CDH12: variants seen among roughly 807,000 people sequenced by gnomAD.
CDH12 encodes cadherin-12.
In CDH12, 41 loss-of-function variants were observed where a neutral mutation model predicts 74.1. The observed-to-expected ratio is 0.55, with a 90% CI of 0.43 to 0.72. The LOEUF is 0.72. Ranked by LOEUF, CDH12 falls within the 30% of genes least tolerant of loss-of-function variation. CDH12 has a pLI of 0.00. For synonymous variants in CDH12, 399 were observed against 355.0 expected (o/e 1.12, Z -1.39); for missense variants, 945 against 977.2 (o/e 0.97, Z 0.44).
intron 1 of CDH12, among the ~76,000 whole-genome samples, chr5:22,805,652 G>T (rs1470223904): frequency 6.6e-6 from 1 of 151,834 alleles, no homozygotes; most frequent in Non-Finnish European, 1.5e-5. Flanking sequence ...TTTTACAAAA[G>T]CTTTTTCTTT....
intron 1 of CDH12, among the ~76,000 whole-genome samples, chr5:22,762,253 C>T (rs894761568): frequency 6.6e-6 from 1 of 151,888 alleles, no homozygotes; most frequent in African/African-American, 2.4e-5. Context: ...TTTTTAAATG[C>T]ATGAGTCCCA....
At chr5:21,897,139 G>A (rs183402059) in intron 6 of CDH12, among the ~76,000 whole-genome samples, 1 of 152,134 alleles carries the variant, frequency 6.6e-6, no homozygotes, top group African/African-American at 2.4e-5. Flanking sequence ...GGGAAAAAAA[G>A]GTTATATAAA....
At chr5:22,287,556 C>A (rs967549456) in intron 3 of CDH12, among the ~76,000 whole-genome samples, 1 of 151,568 alleles carries the variant, frequency 6.6e-6, no homozygotes, top group African/African-American at 2.4e-5. Context: ...AACCCCGTCT[C>A]TACTAAAAAT....
At chr5:22,826,855 A>C (rs1736354167) in intron 1 of CDH12, among the ~76,000 whole-genome samples, 1 of 152,204 alleles carries the variant, frequency 6.6e-6, no homozygotes, top group South Asian at 2.1e-4. Flanking sequence ...TTTATAAGGA[A>C]AGCAGAGCAT....
intron 1 of CDH12, among the ~76,000 whole-genome samples, chr5:22,693,797 G>A (rs1264832668): frequency 6.6e-6 from 1 of 151,952 alleles, no homozygotes; most frequent in African/African-American, 2.4e-5. Context: ...ATATACAAAT[G>A]AGGAGTATTT....
At chr5:22,443,669 T>G (rs531629189) in intron 2 of CDH12, among the ~76,000 whole-genome samples, 1 of 152,234 alleles carries the variant, frequency 6.6e-6, no homozygotes, top group South Asian at 2.1e-4. Context: ...TTCATCCCAC[T>G]TAGGTTGTAT....
intron 3 of CDH12, among the ~76,000 whole-genome samples, chr5:22,387,438 T>TAA (rs1349780354): frequency 4.6e-5 from 7 of 152,154 alleles, no homozygotes; most frequent in African/African-American, 1.7e-4. Context: ...ACTCCTGGTG[T>TAA]CTTTTAGACC....
chr5:22,427,836 C>T (rs1744004675), intron 2 of CDH12, among the ~76,000 whole-genome samples: 2 of 152,152 alleles, frequency 1.3e-5, no homozygotes, highest in Non-Finnish European at 2.9e-5. Flanking sequence ...GTATAGGACA[C>T]ATCTGCTTTC....
intron 6 of CDH12, among the ~76,000 whole-genome samples, chr5:21,891,150 G>T (rs1752880405): frequency 6.6e-6 from 1 of 151,980 alleles, no homozygotes; most frequent in Admixed American, 6.6e-5. Flanking sequence ...TTATAGTTCT[G>T]TATTAAACTT....
Position 21,895,834 on chromosome 5 carries a change from T to C in CDH12, c.527-41044A>G, listed in dbSNP as rs752523269. 5.3e-4 allele frequency among the ~76,000 whole-genome samples: 80 copies of C among 152,216 alleles called. 1 individual carries two copies. Among genetic ancestry groups the C allele is most frequent in the Non-Finnish European group, 1.0e-3 (69 of 68,008 alleles). On this transcript the variant is annotated intron_variant, in intron 6 of 14. Transcript: ENST00000382254. Reference sequence around the variant, plus strand: ...AAATAACTGTGCATGAGGGTACAGATAGGAAGATCCCCCAGGCCTGGAAGC... The same window carrying C: ...AAATAACTGTGCATGAGGGTACAGACAGGAAGATCCCCCAGGCCTGGAAGC...
intron 5 of CDH12, among the ~76,000 whole-genome samples, chr5:22,034,951 T>C (rs989920037): frequency 1.3e-5 from 2 of 152,200 alleles, no homozygotes; most frequent in African/African-American, 2.4e-5. Flanking sequence ...TCTACAACTT[T>C]AGGCAAAATG....
chr5:22,091,210 T>TA (rs1743408106), intron 4 of CDH12, among the ~76,000 whole-genome samples: 1 of 149,002 alleles, frequency 6.7e-6, no homozygotes, highest in African/African-American at 2.5e-5. Flanking sequence ...TATATATATA[T>TA]ATATATATAT....
At chr5:22,727,729 A>G (rs1744231837) in intron 1 of CDH12, among the ~76,000 whole-genome samples, 1 of 150,832 alleles carries the variant, frequency 6.6e-6, no homozygotes, top group African/African-American at 2.4e-5. Context: ...TTCTAGGTTG[A>G]CTTTTTTTTT....
intron 1 of CDH12, among the ~76,000 whole-genome samples, chr5:22,735,727 G>T (rs1241151042): frequency 6.6e-6 from 1 of 151,820 alleles, no homozygotes; most frequent in Non-Finnish European, 1.5e-5. Flanking sequence ...AAAGTTAAGT[G>T]ATTTTAACAC....
At chr5:22,265,739 AAT>A (rs1753680582) in intron 3 of CDH12, among the ~76,000 whole-genome samples, 1 of 152,166 alleles carries the variant, frequency 6.6e-6, no homozygotes, top group African/African-American at 2.4e-5. Context: ...TCCTCTGAGC[AAT>A]ATCCTCCACT....
intron 1 of CDH12, among the ~76,000 whole-genome samples, chr5:22,591,194 T>C (rs1342739361): frequency 4.1e-4 from 63 of 152,190 alleles, no homozygotes; most frequent in Admixed American, 4.1e-3. Flanking sequence ...ACCAAAGTAA[T>C]ATAAAATCAA....
intron 10 of CDH12, 88 bp downstream of exon 10, chr5:21,802,078 GT>G: frequency 8.8e-7 from 1 of 1,137,512 alleles, no homozygotes; most frequent in Non-Finnish European, 1.3e-6. Context: ...TCATCATGCA[GT>G]TTTGGACAGA....
At chr5:22,190,358 GTCTATCTATCTA>G (rs79679304) in intron 4 of CDH12, among the ~76,000 whole-genome samples, 7,604 of 119,822 alleles carry the variant, frequency 0.063, 391 homozygotes, top group African/African-American at 0.17. Flanking sequence ...CTGTCTGTCT[GTCTATCTATCTA>G]TCTATCTATC....
intron 2 of CDH12, among the ~76,000 whole-genome samples, chr5:22,498,279 A>T (rs2126651357): frequency 6.6e-6 from 1 of 152,086 alleles, no homozygotes; most frequent in African/African-American, 2.4e-5. Context: ...ATTTATACAT[A>T]ATTTAAATAT....
Sources: allele counts gnomAD v4.1 joint callset (sites outside exome capture counted in the v4.1 genomes callset), GRCh38; gene constraint gnomAD v4.1.1; transcripts MANE v1.5; gene names NCBI Gene and HGNC (gene_info 2026-07-23, HGNC 2026-07-21).